Variants in TRIM2 observed in about 807,000 individuals in gnomAD.
The protein encoded by TRIM2 is tripartite motif-containing protein 2.
Under a neutral mutation model 75.2 loss-of-function variants are expected in TRIM2, and 20 were observed. The observed-to-expected ratio is 0.27, with a 90% CI of 0.19 to 0.39. TRIM2 has a LOEUF of 0.39. TRIM2 is among the 10% of genes least tolerant of loss of function. TRIM2 has a pLI of 1.00. For missense variants in TRIM2, 660 were observed against 990.8 expected (o/e 0.67, Z 4.48); for synonymous variants, 373 against 388.3 (o/e 0.96, Z 0.46).
intron 1 of TRIM2, among the ~76,000 whole-genome samples, chr4:153,269,570 G>A (rs1403363561): frequency 6.6e-6 from 1 of 152,198 alleles, no homozygotes; most frequent in Non-Finnish European, 1.5e-5. Flanking sequence ...ATATTTTGAT[G>A]TGACACAGTC....
At chr4:153,277,387 C>G (rs901166332) in intron 3 of TRIM2, among the ~76,000 whole-genome samples, 1 of 152,206 alleles carries the variant, frequency 6.6e-6, no homozygotes, top group African/African-American at 2.4e-5. Context: ...TTTCTTTCCT[C>G]CCTGGTGCTC....
At chr4:153,251,329 G>C (rs187215889) in intron 1 of TRIM2, among the ~76,000 whole-genome samples, 225 of 152,302 alleles carry the variant, frequency 1.5e-3, no homozygotes, top group Non-Finnish European at 2.4e-3. Flanking sequence ...AGTCTGGACT[G>C]TCCAGAAGGA....
At chr4:153,307,733 A>G (rs1481954971) in intron 6 of TRIM2, 1 of 619,520 alleles carries the variant, frequency 1.6e-6, no homozygotes, top group Non-Finnish European at 3.1e-6. Context: ...GGGGAGCACC[A>G]TTTCTGGACG....
At chr4:153,237,639 C>T (rs1373103374) in intron 1 of TRIM2, among the ~76,000 whole-genome samples, 1 of 151,512 alleles carries the variant, frequency 6.6e-6, no homozygotes, top group Non-Finnish European at 1.5e-5. Context: ...GAGATTGCGC[C>T]ATTGCATTTC....
chr4:153,157,766 G>A (rs1056052357), intron 1 of TRIM2, among the ~76,000 whole-genome samples: 2 of 152,200 alleles, frequency 1.3e-5, no homozygotes, highest in African/African-American at 4.8e-5. Flanking sequence ...CAGTCTCACA[G>A]TGCCTTGCTT....
intron 1 of TRIM2, among the ~76,000 whole-genome samples, chr4:153,249,577 G>A (rs1750291126): frequency 6.7e-6 from 1 of 150,314 alleles, no homozygotes; most frequent in East Asian, 1.9e-4. Context: ...TTAGCAGCGC[G>A]TCCGCCTCGG....
intron 1 of TRIM2, among the ~76,000 whole-genome samples, chr4:153,178,708 A>G (rs1731734717): frequency 6.6e-6 from 1 of 152,206 alleles, no homozygotes; most frequent in Non-Finnish European, 1.5e-5. Context: ...AATGCACATT[A>G]ATACTTTAAA....
At chr4:153,299,351 A>G (rs1342668994) in intron 6 of TRIM2, among the ~76,000 whole-genome samples, 1 of 151,944 alleles carries the variant, frequency 6.6e-6, no homozygotes, top group African/African-American at 2.4e-5. Flanking sequence ...TTGTGTGTGT[A>G]TGTGTATATA....
chr4:153,304,394 G>A (rs528333844), intron 6 of TRIM2, among the ~76,000 whole-genome samples: 8 of 152,064 alleles, frequency 5.3e-5, no homozygotes, highest in Admixed American at 2.0e-4. Context: ...GATTACAGGC[G>A]TGAGCCACCA....
intron 1 of TRIM2, among the ~76,000 whole-genome samples, chr4:153,173,542 G>T (rs1201743568): frequency 1.3e-5 from 2 of 151,850 alleles, no homozygotes; most frequent in African/African-American, 2.4e-5. Flanking sequence ...GGCGCCTGTG[G>T]TCCCAGCTAC....
Position 153,249,421 on chromosome 4 carries a change from T to A in TRIM2, c.31-20914T>A, listed in dbSNP as rs577235779. On this transcript the variant is annotated intron_variant, in intron 1 of 11. Transcript: ENST00000338700. Reference sequence around the variant, plus strand: ...TGAGATTTCCCCAGGTCGGTGGTTATGACCGCAGGATGGAATCGTAGAGGT... The same window carrying A: ...TGAGATTTCCCCAGGTCGGTGGTTAAGACCGCAGGATGGAATCGTAGAGGT... Among the ~76,000 whole-genome samples, 198 of 152,378 alleles carry A rather than the reference T, an allele frequency of 1.3e-3. 1 individual carries two copies. The South Asian group carries it at 0.023, about 18-fold the overall frequency.
chr4:153,296,433 C>G (rs1042939664), intron 6 of TRIM2, among the ~76,000 whole-genome samples: 9 of 152,222 alleles, frequency 5.9e-5, no homozygotes, highest in Non-Finnish European at 1.2e-4. Flanking sequence ...CGCCCCTCTT[C>G]CCTGGGAGGG....
Position 153,338,447 on chromosome 4 carries a change from T to C in TRIM2, c.*3481T>C. ...CAGGTAGGAAAAAATGAAAGCTATT[T>C]CATGCAAACATTATCTAATTTAGCT... On this transcript the variant is annotated 3_prime_UTR_variant, in exon 12 of 12. Transcript: ENST00000338700. 4 of 985,792 alleles carry C rather than the reference T, an allele frequency of 4.1e-6. No homozygotes were observed. Among genetic ancestry groups the C allele is most frequent in the Non-Finnish European group, 4.8e-6 (4 of 829,884 alleles). The allele number at this position is 985,792 out of a possible 1,614,324, so 61.1% of individuals were successfully genotyped here.
chr4:153,161,998 C>G (rs765026431), intron 1 of TRIM2, among the ~76,000 whole-genome samples: 50 of 152,234 alleles, frequency 3.3e-4, no homozygotes, highest in Middle Eastern at 3.2e-3. Flanking sequence ...TGTACATTCT[C>G]TCTGCGTGGG....
intron 1 of TRIM2, among the ~76,000 whole-genome samples, chr4:153,243,674 G>T (rs1416816349): frequency 6.6e-6 from 1 of 152,020 alleles, no homozygotes; most frequent in African/African-American, 2.4e-5. Context: ...TAAGTCAGAG[G>T]GTATTATTGT....
rs2149608007 is a variant in TRIM2 at position 153,334,904 on chromosome 4, G to A, written c.2254G>A (p.Gly752Ser). 6.2e-7 allele frequency: 1 copy of A among 1,613,994 alleles called. No individual in the cohort carries two copies. The highest frequency in any genetic ancestry group is 1.3e-5 in the African/African-American group (1 of 75,012). The part of the protein sequence containing the change: ...GPQGLALTSD[G>S]HVVVADSGNH... Reference sequence around the variant, plus strand: ...CCAAGGCCTGGCCCTAACTTCAGATGGTCATGTTGTGGTTGCAGACTCTGG... The same window carrying A: ...CCAAGGCCTGGCCCTAACTTCAGATAGTCATGTTGTGGTTGCAGACTCTGG... Residue 752 changes from glycine (G) to serine (S), a missense_variant, in exon 12 of 12, where the codon GGT becomes AGT. Coordinates refer to ENST00000338700, the MANE Select transcript of TRIM2 (RefSeq NM_015271.5).
At chr4:153,175,030 A>G (rs1156597750) in intron 1 of TRIM2, among the ~76,000 whole-genome samples, 2 of 150,520 alleles carry the variant, frequency 1.3e-5, no homozygotes, top group African/African-American at 4.9e-5. Context: ...TTTTTTTGAG[A>G]CAGAGTTTTG....
chr4:153,328,474 A>T, intron 10 of TRIM2, 56 bp from the exon 11 acceptor site: 1 of 1,475,930 alleles, frequency 6.8e-7, no homozygotes. Flanking sequence ...TTAATCCATC[A>T]TGTTGGTTCA....
intron 1 of TRIM2, among the ~76,000 whole-genome samples, chr4:153,188,778 C>G (rs1469275714): frequency 6.6e-6 from 1 of 151,296 alleles, no homozygotes; most frequent in Non-Finnish European, 1.5e-5. Context: ...GATGAGGAAA[C>G]AGTCATCCAA....
Sources: gnomAD v4.1 joint callset for allele counts (sites outside exome capture counted in the v4.1 genomes callset) on GRCh38, gnomAD v4.1.1 for gene constraint, MANE v1.5 for transcripts, NCBI Gene and HGNC (gene_info 2026-07-23, HGNC 2026-07-21) for gene names.